The following TENM3 variants were observed in gnomAD, a reference collection of about 807,000 sequenced individuals.
TENM3 encodes teneurin-3.
TENM3 carries 63 observed loss-of-function variants against 255.1 expected under a neutral mutation model. The ratio of observed to expected loss-of-function variants is 0.25; its 90% CI spans 0.20 to 0.30. TENM3 has a LOEUF of 0.30. Among genes scored for constraint, TENM3 ranks in the 10% least tolerant of loss-of-function variants. The probability of loss-of-function intolerance (pLI) is 1.00; values close to 1 mark genes in which losing one functional copy is unlikely to be tolerated. For missense variants in TENM3, 2,929 were observed against 3,461.1 expected (o/e 0.85, Z 3.86); for synonymous variants, 1,306 against 1,322.3 (o/e 0.99, Z 0.27).
the TENM3 span, among the ~76,000 whole-genome samples, chr4:182,054,863 A>T: frequency 6.6e-6 from 1 of 152,184 alleles, no homozygotes; most frequent in Non-Finnish European, 1.5e-5. Context: ...AGGTCATAGG[A>T]GACTCCTTGG....
the TENM3 span, among the ~76,000 whole-genome samples, chr4:182,056,063 G>A: frequency 6.6e-6 from 1 of 152,158 alleles, no homozygotes; most frequent in Admixed American, 6.5e-5. Flanking sequence ...ATTAGGAGTG[G>A]TGTTCTCCTG....
chr4:181,943,015 A>G, the TENM3 span, among the ~76,000 whole-genome samples: 1 of 152,218 alleles, frequency 6.6e-6, no homozygotes, highest in Non-Finnish European at 1.5e-5. Context: ...AAAGAGGCAC[A>G]TAGATTATAT....
intron 5 of TENM3, 82 bp downstream of exon 5, chr4:182,628,971 T>A: frequency 1.2e-6 from 1 of 820,454 alleles, no homozygotes; most frequent in Non-Finnish European, 1.9e-6. Flanking sequence ...TCATTTGGTC[T>A]AGAAATATAT....
the TENM3 span, among the ~76,000 whole-genome samples, chr4:181,496,265 A>G: frequency 6.7e-6 from 1 of 148,380 alleles, no homozygotes; most frequent in Non-Finnish European, 1.5e-5. Context: ...ACAAAATTAA[A>G]TCTTTGACAA....
chr4:182,036,376 A>G, the TENM3 span, among the ~76,000 whole-genome samples: 1 of 152,042 alleles, frequency 6.6e-6, no homozygotes, highest in Non-Finnish European at 1.5e-5. Flanking sequence ...TTTTTAGTAG[A>G]GACGGGTTTT....
chr4:181,682,260 G>T, the TENM3 span, among the ~76,000 whole-genome samples: 7 of 152,130 alleles, frequency 4.6e-5, no homozygotes, highest in African/African-American at 1.7e-4. Context: ...ATCTCATTAA[G>T]CCAGCTAGAG....
Position 182,730,959 on chromosome 4 carries a change from G to A in TENM3, c.2787G>A (p.Val929=). Residue 929 remains valine, a synonymous_variant, in exon 16 of 28, where the codon GTG becomes GTA. Transcript: ENST00000511685. ...CATTCCTCACTCAGTATCATACTGT[G>A]TGGATTCCATGGAATGTCTTTTATG... The part of the protein sequence containing the change: ...RSPFLTQYHT[V]WIPWNVFYVM... 1 of 1,613,920 alleles carries A rather than the reference G, an allele frequency of 6.2e-7. No homozygotes were observed. The highest frequency in any genetic ancestry group is 1.1e-5 in the South Asian group (1 of 91,072).
chr4:182,751,685 A>C (rs562455907), intron 19 of TENM3, 115 bp from the exon 20 acceptor site: 1 of 733,880 alleles, frequency 1.4e-6, no homozygotes, highest in South Asian at 1.7e-5. Flanking sequence ...CTAATCTTTG[A>C]TCATGGATTC....
chr4:181,812,766 G>A, the TENM3 span, among the ~76,000 whole-genome samples: 3 of 152,238 alleles, frequency 2.0e-5, no homozygotes, highest in South Asian at 4.1e-4. Flanking sequence ...AGAATTTCAG[G>A]GATCCAGAGG....
At chr4:182,531,590 A>G (rs1739783653) in intron 3 of TENM3, among the ~76,000 whole-genome samples, 1 of 152,176 alleles carries the variant, frequency 6.6e-6, no homozygotes, top group Non-Finnish European at 1.5e-5. Context: ...CAGCAAAGTC[A>G]GCAAAAGGAA....
the TENM3 span, among the ~76,000 whole-genome samples, chr4:181,887,020 CAAATACTTT>C: frequency 6.6e-6 from 1 of 152,112 alleles, no homozygotes; most frequent in Non-Finnish European, 1.5e-5. Context: ...AAGAACCCAG[CAAATACTTT>C]AAATACTTTC....
chr4:182,774,972 A>G lies in TENM3; in HGVS notation c.5123A>G (p.Tyr1708Cys), dbSNP rs1302488368. ...IGYDGSLRIIYASGLDSHYQT... is the reference protein window; with the variant it reads ...IGYDGSLRIICASGLDSHYQT... ...TATGACGGCTCCCTCAGAATTATCT[A>G]CGCCAGTGGCCTGGACTCACACTAC... Residue 1708 changes from tyrosine (Y) to cysteine (C), a missense_variant, in exon 24 of 28, where the codon TAC becomes TGC. Tyr to Cys is a radical substitution (Grantham distance 194). Around this residue, in one of 6 missense-constraint regions of TENM3, gnomAD observed 303 missense variants for 425.2 expected, o/e 0.71. Transcript: ENST00000511685. 1 of 1,613,816 alleles carries G rather than the reference A, an allele frequency of 6.2e-7. No individual in the cohort carries two copies. Among genetic ancestry groups the G allele is most frequent in the Non-Finnish European group, 8.5e-7 (1 of 1,179,856 alleles).
At chr4:182,525,815 TAAAGG>T in intron 3 of TENM3, among the ~76,000 whole-genome samples, 1 of 152,276 alleles carries the variant, frequency 6.6e-6, no homozygotes, top group South Asian at 2.1e-4. Context: ...GATTTCCAAA[TAAAGG>T]AAAGACATTC....
chr4:181,931,649 G>T, the TENM3 span, among the ~76,000 whole-genome samples: 2 of 152,108 alleles, frequency 1.3e-5, no homozygotes, highest in Non-Finnish European at 2.9e-5. Context: ...TTTCTTCACA[G>T]AATTAGGAAA....
At position 182,161,628 on chromosome 4, in the gene TENM3, A is replaced by T. The variant is rs1474898005; in HGVS notation, c.-76+16874A>T. On this transcript the variant is annotated intron_variant, in intron 1 of 2. Coordinates refer to the TENM3 transcript ENST00000512480. ...ATATATATATGTATATATATATACA[A>T]ATATATATATGTATATATATATATA... 1.5e-3 allele frequency among the ~76,000 whole-genome samples: 128 copies of T among 84,126 alleles called. 6 individuals carry two copies. Among genetic ancestry groups the T allele is most frequent in the African/African-American group, 3.3e-3 (73 of 22,000 alleles). The allele number at this position is 84,126 out of a possible 152,430, so 55.2% of individuals were successfully genotyped here. A position where few individuals can be genotyped will look rare whatever the true frequency, so the allele number is the denominator to read the frequency against.
chr4:181,448,188 A>T, the TENM3 span, among the ~76,000 whole-genome samples: 2 of 80,186 alleles, frequency 2.5e-5, no homozygotes, highest in African/African-American at 5.6e-5. Context: ...TTTTTTTGAG[A>T]CGGAGTCTCG....
the TENM3 span, among the ~76,000 whole-genome samples, chr4:181,822,919 C>G: frequency 2.0e-5 from 3 of 151,932 alleles, no homozygotes; most frequent in Admixed American, 2.0e-4. Flanking sequence ...ATGAGTTATC[C>G]TATGATTATT....
chr4:182,430,346 A>C (rs2151187615), intron 3 of TENM3, among the ~76,000 whole-genome samples: 1 of 152,156 alleles, frequency 6.6e-6, no homozygotes, highest in East Asian at 2.0e-4. Flanking sequence ...CAGGACATCA[A>C]GACCATCCTG....
chr4:182,035,856 C>T, the TENM3 span, among the ~76,000 whole-genome samples: 6 of 152,118 alleles, frequency 3.9e-5, no homozygotes. Flanking sequence ...CTAATATGCC[C>T]CACCACACAC....
Sources: allele counts gnomAD v4.1 joint callset (sites outside exome capture counted in the v4.1 genomes callset), GRCh38; gene constraint gnomAD v4.1.1; regional missense constraint gnomAD v4.1.1; transcripts MANE v1.5; gene names NCBI Gene and HGNC (gene_info 2026-07-23, HGNC 2026-07-21).